SLC30A7: variants seen among roughly 807,000 people sequenced by gnomAD.
SLC30A7 encodes zinc transporter 7.
In SLC30A7, 35 loss-of-function variants were observed where a neutral mutation model predicts 46.0. The observed-to-expected ratio is 0.76, with a 90% confidence interval of 0.58 to 1.01. The LOEUF is 1.01. Ranked by LOEUF, SLC30A7 falls within the 50% of genes least tolerant of loss-of-function variation. The probability of loss-of-function intolerance (pLI) is 0.00; values close to 1 mark genes in which losing one functional copy is unlikely to be tolerated. For missense variants in SLC30A7, 464 were observed against 451.1 expected, an observed-to-expected ratio of 1.03 and a Z score of -0.26; for synonymous variants, 147 against 157.8, an observed-to-expected ratio of 0.93 and a Z score of 0.51.
intron 4 of SLC30A7, 130 bp downstream of exon 4, chr1:100,911,280 G>C: frequency 1.7e-6 from 1 of 585,594 alleles, no homozygotes; most frequent in Middle Eastern, 4.7e-4. Context: ...AGATATGTGC[G>C]TACAAGAGGA....
chr1:100,962,652 G>T (rs1229309236), intron 9 of SLC30A7, among the ~76,000 whole-genome samples: 1 of 152,190 alleles, frequency 6.6e-6, no homozygotes, highest in Non-Finnish European at 1.5e-5. Context: ...AGGGTTTTGG[G>T]TCATAGATTT....
At chr1:100,992,763 C>T in the SLC30A7 span, 1 of 1,542,624 alleles carries the variant, frequency 6.5e-7, no homozygotes, top group East Asian at 2.2e-5. Flanking sequence ...AACTAGATGC[C>T]ACTGTTCTTA....
rs552474903 is a variant in SLC30A7 at position 100,952,249 on chromosome 1, C to T, written c.843-9579C>T. Among the ~76,000 whole-genome samples the T allele has an allele frequency of 1.2e-4, 19 of 152,296 alleles. No homozygotes were observed. The South Asian group carries it at 3.7e-3, about 30-fold the overall frequency. The stretch of plus-strand genomic sequence containing the variant: ...CAAATTCACTATATAGCCAGAGTGC[C>T]TGGGTTCAAATGCTGTTTTAACTTT... On this transcript the variant is annotated intron_variant, in intron 8 of 10. Transcript: ENST00000357650.
chr1:100,920,227 G>A (rs1652855931), intron 7 of SLC30A7, among the ~76,000 whole-genome samples: 1 of 151,860 alleles, frequency 6.6e-6, no homozygotes, highest in Non-Finnish European at 1.5e-5. Flanking sequence ...CCAAAACACT[G>A]ATTAAAGAAT....
At chr1:100,940,663 ATTTATT>A (rs1654283733) in intron 8 of SLC30A7, among the ~76,000 whole-genome samples, 1 of 152,246 alleles carries the variant, frequency 6.6e-6, no homozygotes, top group African/African-American at 2.4e-5. Flanking sequence ...TGATTAATTA[ATTTATT>A]TTTAAAGACA....
intron 8 of SLC30A7, chr1:100,941,703 T>A: frequency 3.1e-6 from 2 of 643,872 alleles, no homozygotes; most frequent in Non-Finnish European, 5.8e-6. Context: ...CTCTCTTTGG[T>A]TCCACAACTC....
chr1:100,988,565 G>T, the SLC30A7 span, among the ~76,000 whole-genome samples: 1 of 152,140 alleles, frequency 6.6e-6, no homozygotes, highest in Non-Finnish European at 1.5e-5. Context: ...TGAAAATGAG[G>T]CCAGGCATAG....
intron 2 of SLC30A7, among the ~76,000 whole-genome samples, chr1:100,906,133 T>A (rs9434137): frequency 2.8e-3 from 419 of 152,338 alleles, no homozygotes; most frequent in African/African-American, 9.8e-3. Context: ...AGTCTTTGAA[T>A]TTTTCAGTGG....
intron 2 of SLC30A7, 107 bp from the exon 3 acceptor site, chr1:100,906,745 T>C: frequency 2.8e-6 from 2 of 721,022 alleles, no homozygotes; most frequent in South Asian, 1.6e-5. Context: ...ATTGTTGTTT[T>C]AGATGGTTAA....
intron 2 of SLC30A7, among the ~76,000 whole-genome samples, chr1:100,900,966 C>T (rs1651269605): frequency 6.6e-6 from 1 of 152,210 alleles, no homozygotes; most frequent in African/African-American, 2.4e-5. Context: ...GTACCCATCA[C>T]TGAGCCTTAA....
At chr1:100,910,613 A>G (rs763255695) in intron 3 of SLC30A7, among the ~76,000 whole-genome samples, 13 of 152,158 alleles carry the variant, frequency 8.5e-5, no homozygotes, top group Non-Finnish European at 1.9e-4. Flanking sequence ...GAAAGCTAAA[A>G]AGTACAAAGC....
intron 8 of SLC30A7, among the ~76,000 whole-genome samples, chr1:100,935,368 G>A (rs560944168): frequency 2.0e-5 from 3 of 152,308 alleles, no homozygotes; most frequent in African/African-American, 7.2e-5. Context: ...ATGCAAGTCA[G>A]TTTAAACTTT....
chr1:100,981,588 T>G lies in SLC30A7; in HGVS notation c.*6731T>G, dbSNP rs1656933510. On this transcript the variant is annotated 3_prime_UTR_variant, in exon 11 of 11. Transcript: ENST00000357650. ...GTGATTCGGTTTGAATATGCTGAAG[T>G]GAGCAATTATGATTTGCCCAAGTGC... 1 of 152,212 alleles carries G rather than the reference T, an allele frequency of 6.6e-6. No homozygotes were observed. The highest frequency in any genetic ancestry group is 6.5e-5 in the Admixed American group (1 of 15,276). 9.4% of individuals were successfully genotyped at this position (152,212 alleles called of 1,614,324 possible).
At position 100,974,824 on chromosome 1, in the gene SLC30A7, G is replaced by A. The variant is rs1358273834; in HGVS notation, c.1098G>A (p.Gln366=). The A allele has an allele frequency of 6.3e-7, 1 of 1,590,782 alleles. No individual in the cohort carries two copies. The highest frequency in any genetic ancestry group is 8.6e-7 in the Non-Finnish European group (1 of 1,164,292). ...TTACTTTTCAGGCTGGAGTGAGACA[G>A]CTCTACGTACAGATTGACTTTGCAG... ...HNIFTQAGVR[Q]LYVQIDFAAM Residue 366 remains glutamine, a synonymous_variant, in exon 11 of 11, where the codon CAG becomes CAA. Transcript: ENST00000357650.
chr1:100,973,136 G>C (rs1436416309), intron 10 of SLC30A7, among the ~76,000 whole-genome samples: 1 of 151,828 alleles, frequency 6.6e-6, no homozygotes, highest in Non-Finnish European at 1.5e-5. Context: ...TCTAGAGCCT[G>C]CAAGCCTTTT....
chr1:100,941,413 C>G, intron 8 of SLC30A7: 1 of 410,304 alleles, frequency 2.4e-6, no homozygotes, highest in Non-Finnish European at 4.7e-6. Context: ...AAGCACTAGG[C>G]ATCTCTTGAT....
intron 8 of SLC30A7, among the ~76,000 whole-genome samples, chr1:100,947,511 G>T (rs1654707657): frequency 6.6e-6 from 1 of 152,200 alleles, no homozygotes; most frequent in Admixed American, 6.5e-5. Flanking sequence ...ATGTGGTGCT[G>T]AGAAGAATGT....
chr1:100,929,815 A>G (rs1653559548), intron 8 of SLC30A7, among the ~76,000 whole-genome samples: 1 of 152,112 alleles, frequency 6.6e-6, no homozygotes, highest in Non-Finnish European at 1.5e-5. Context: ...GCAATGAAAA[A>G]CAGGAGAATG....
At chr1:100,948,204 GT>G (rs906524210) in intron 8 of SLC30A7, among the ~76,000 whole-genome samples, 24 of 152,246 alleles carry the variant, frequency 1.6e-4, no homozygotes, top group Admixed American at 1.5e-3. Flanking sequence ...TCCTTTCCAT[GT>G]TTAGTGTTTC....
Sources: gnomAD v4.1 joint callset for allele counts (sites outside exome capture counted in the v4.1 genomes callset) on GRCh38, gnomAD v4.1.1 for gene constraint, MANE v1.5 for transcripts, NCBI Gene and HGNC (gene_info 2026-07-23, HGNC 2026-07-21) for gene names.